CNTN3: variants seen among roughly 807,000 people sequenced by gnomAD.
CNTN3 encodes contactin 3.
CNTN3 carries 60 observed loss-of-function variants against 119.1 expected under a neutral mutation model. The ratio of observed to expected loss-of-function variants is 0.50; its 90% CI spans 0.41 to 0.62. The LOEUF (loss-of-function observed/expected upper bound fraction) is 0.62, where lower values mean the gene tolerates loss of function less well. Ranked by LOEUF, CNTN3 falls within the 20% of genes least tolerant of loss-of-function variation. The probability of loss-of-function intolerance (pLI) is 0.00; values close to 1 mark genes in which losing one functional copy is unlikely to be tolerated. For synonymous variants in CNTN3, 450 were observed against 438.7 expected (o/e 1.03, Z -0.32); for missense variants, 1,101 against 1,242.4 (o/e 0.89, Z 1.71).
chr3:74,291,743 T>C (rs968887823), intron 19 of CNTN3, among the ~76,000 whole-genome samples: 2 of 152,194 alleles, frequency 1.3e-5, no homozygotes, highest in Admixed American at 6.5e-5. Context: ...GCTCAGCTAA[T>C]GGGAGATTCA....
chr3:74,483,242 G>A (rs896941574), intron 4 of CNTN3, among the ~76,000 whole-genome samples: 22 of 152,168 alleles, frequency 1.4e-4, no homozygotes, highest in African/African-American at 4.8e-4. Context: ...GGTATTCAAT[G>A]TTACATCTTA....
chr3:74,600,163 G>A (rs541047146), intron 1 of CNTN3, among the ~76,000 whole-genome samples: 12 of 152,004 alleles, frequency 7.9e-5, no homozygotes, highest in East Asian at 5.8e-4. Context: ...CCTAAAGAGC[G>A]GAGAAAGAGG....
intron 4 of CNTN3, among the ~76,000 whole-genome samples, chr3:74,439,127 A>G (rs930322901): frequency 6.6e-6 from 1 of 152,198 alleles, no homozygotes; most frequent in East Asian, 1.9e-4. Flanking sequence ...GACATCAAAG[A>G]TTATTTTATG....
At chr3:74,560,273 C>A (rs908105074) in intron 1 of CNTN3, among the ~76,000 whole-genome samples, 8 of 152,110 alleles carry the variant, frequency 5.3e-5, no homozygotes, top group African/African-American at 1.9e-4. Context: ...GCATTCAGTG[C>A]AGGGCATGGC....
At chr3:74,536,507 G>T (rs993716932) in intron 1 of CNTN3, among the ~76,000 whole-genome samples, 2 of 152,036 alleles carry the variant, frequency 1.3e-5, no homozygotes, top group African/African-American at 4.8e-5. Context: ...AGACAAAATT[G>T]AATTTACTAA....
chr3:74,399,263 T>TA (rs1458056403), intron 5 of CNTN3, among the ~76,000 whole-genome samples: 3 of 152,120 alleles, frequency 2.0e-5, no homozygotes, highest in Non-Finnish European at 4.4e-5. Context: ...TAGTACCCAT[T>TA]AGTTATTTTT....
At chr3:74,450,767 G>GT (rs1217051697) in intron 4 of CNTN3, among the ~76,000 whole-genome samples, 1 of 149,444 alleles carries the variant, frequency 6.7e-6, no homozygotes, top group Non-Finnish European at 1.5e-5. Context: ...GCAGTGTTTG[G>GT]TTTTTTGTTC....
intron 11 of CNTN3, among the ~76,000 whole-genome samples, chr3:74,344,212 A>AGAG (rs1200902617): frequency 2.6e-5 from 4 of 152,140 alleles, no homozygotes; most frequent in African/African-American, 9.7e-5. Context: ...GAGTTCAGAA[A>AGAG]TAATCTTCTA....
chr3:74,355,459 T>TTTTG (rs1703913373), intron 11 of CNTN3, among the ~76,000 whole-genome samples: 1 of 151,786 alleles, frequency 6.6e-6, no homozygotes, highest in Non-Finnish European at 1.5e-5. Context: ...TTTTGTTTTG[T>TTTTG]TTTGTTTTGT....
At position 74,313,679 on chromosome 3, in the gene CNTN3, G is replaced by A. The variant is rs570212987; in HGVS notation, c.1669-10872C>T. Among the ~76,000 whole-genome samples the A allele has an allele frequency of 9.9e-5, 15 of 152,234 alleles. No homozygotes were observed. In the East Asian group the frequency reaches 2.1e-3, roughly 22 times the overall value. ...AATTTATACACCATTTTGAGGTTACGGAAAGAATGATGGCTTAGTAAAACA... is the reference window on the plus strand; with the variant it reads ...AATTTATACACCATTTTGAGGTTACAGAAAGAATGATGGCTTAGTAAAACA... On this transcript the variant is annotated intron_variant, in intron 13 of 22. Coordinates refer to ENST00000263665, the MANE Select transcript of CNTN3 (RefSeq NM_020872.3).
intron 10 of CNTN3, among the ~76,000 whole-genome samples, chr3:74,363,463 A>C (rs1179392087): frequency 6.6e-6 from 1 of 152,122 alleles, no homozygotes; most frequent in Non-Finnish European, 1.5e-5. Context: ...CACCAACCAA[A>C]AATATCTCCA....
In CNTN3 at chr3:74,614,433, T is replaced by TCGCCGCCGCCGCCGCCGCCGCCGC. The variant is rs548175205; in HGVS notation, c.-147_-124dup. 2.1e-5 allele frequency among the ~76,000 whole-genome samples: 3 copies of TCGCCGCCGCCGCCGCCGCCGCCGC among 145,358 alleles called. No individual in the cohort carries two copies. The highest frequency in any genetic ancestry group is 2.1e-4 in the East Asian group (1 of 4,838). On this transcript the variant is annotated 5_prime_UTR_variant, in exon 1 of 23. Coordinates refer to ENST00000263665, the MANE Select transcript of CNTN3 (RefSeq NM_020872.3). ...CCAGACGCCCGCCCCGACGGCCCACTCGCCGCCGCCGCCGCCGCCGCCGCC... is the reference window on the plus strand; with the variant it reads ...CCAGACGCCCGCCCCGACGGCCCACTCGCCGCCGCCGCCGCCGCCGCCGCCGCCGCCGCCGCCGCCGCCGCCGCC...
At chr3:74,537,653 G>A (rs76057141) in intron 1 of CNTN3, among the ~76,000 whole-genome samples, 2,168 of 152,236 alleles carry the variant, frequency 0.014, 18 homozygotes, top group Non-Finnish European at 0.022. Flanking sequence ...GGAAGGCAGA[G>A]GAAGGATGGA....
chr3:74,321,941 A>C (rs1049928517), intron 13 of CNTN3, among the ~76,000 whole-genome samples: 3 of 152,124 alleles, frequency 2.0e-5, no homozygotes, highest in Non-Finnish European at 4.4e-5. Context: ...GATGGGTTCA[A>C]TGGTGAATCC....
intron 4 of CNTN3, among the ~76,000 whole-genome samples, chr3:74,473,492 T>C (rs1702601935): frequency 6.6e-6 from 1 of 152,238 alleles, no homozygotes; most frequent in Admixed American, 6.5e-5. Context: ...GAACAGATTC[T>C]GCTTTATTTT....
At chr3:74,302,382 C>CAAGAA (rs1702477954) in intron 14 of CNTN3, among the ~76,000 whole-genome samples, 1 of 152,132 alleles carries the variant, frequency 6.6e-6, no homozygotes, top group Non-Finnish European at 1.5e-5. Flanking sequence ...TGGAAGCAAA[C>CAAGAA]ACACTGCACA....
intron 4 of CNTN3, among the ~76,000 whole-genome samples, chr3:74,476,916 G>T (rs1273155142): frequency 2.0e-5 from 3 of 151,990 alleles, no homozygotes; most frequent in African/African-American, 7.3e-5. Flanking sequence ...AAATATGAAA[G>T]AGAGGTAAAA....
chr3:74,424,629 T>C (rs1473898824), intron 5 of CNTN3, among the ~76,000 whole-genome samples: 1 of 152,172 alleles, frequency 6.6e-6, no homozygotes, highest in Non-Finnish European at 1.5e-5. Context: ...TCTCTTGTCT[T>C]TATAAACCAA....
At chr3:74,426,659 AT>A (rs1701700462) in intron 4 of CNTN3, among the ~76,000 whole-genome samples, 4 of 152,224 alleles carry the variant, frequency 2.6e-5, no homozygotes, top group South Asian at 2.1e-4. Flanking sequence ...TGATGGACTT[AT>A]TTTAACCACA....
Sources: gnomAD v4.1 joint callset for allele counts (sites outside exome capture counted in the v4.1 genomes callset) on GRCh38, gnomAD v4.1.1 for gene constraint, MANE v1.5 for transcripts, NCBI Gene and HGNC (gene_info 2026-07-23, HGNC 2026-07-21) for gene names.